The following LARGE1 variants were observed in gnomAD, a reference collection of about 807,000 sequenced individuals.
LARGE1 encodes the protein xylosyl- and glucuronyltransferase LARGE1.
A neutral mutation model predicts 87.6 loss-of-function variants in LARGE1; 43 were observed. That is an observed-to-expected ratio of 0.49 (90% CI 0.38 to 0.63). The LOEUF (loss-of-function observed/expected upper bound fraction) is 0.63, where lower values mean the gene tolerates loss of function less well. Among genes scored for constraint, LARGE1 ranks in the 30% least tolerant of loss-of-function variants. LARGE1 has a pLI of 0.00. For missense variants in LARGE1, 802 were observed against 1,000.2 expected, an observed-to-expected ratio of 0.80 and a Z score of 2.67; for synonymous variants, 434 against 394.6, an observed-to-expected ratio of 1.10 and a Z score of -1.18.
In LARGE1 at chr22:33,639,132, C is replaced by G. The variant is rs532817274; in HGVS notation, c.408+11235G>C. Among the ~76,000 whole-genome samples, 160 of 152,312 alleles carry G rather than the reference C, an allele frequency of 1.1e-3. 1 individual carries two copies. The highest frequency in any genetic ancestry group is 1.9e-3 in the Non-Finnish European group (130 of 68,028). On this transcript the variant is annotated intron_variant, in intron 3 of 14. Transcript: ENST00000397394. ...TGCCTTGCTTACGGGAATACTTGTA[C>G]TTAAAGCCTTTAGCTGCCATGTAAG...
intron 11 of LARGE1, among the ~76,000 whole-genome samples, chr22:33,313,634 G>T (rs188766378): frequency 1.3e-5 from 2 of 152,210 alleles, no homozygotes; most frequent in South Asian, 4.1e-4. Flanking sequence ...CTGCAGGGAG[G>T]GGGCTGCATG....
intron 1 of LARGE1, among the ~76,000 whole-genome samples, chr22:33,773,328 T>C (rs754919005): frequency 1.2e-4 from 18 of 152,188 alleles, no homozygotes; most frequent in Non-Finnish European, 1.9e-4. Context: ...CAAACAAACA[T>C]TGAAAATTTC....
At position 33,650,605 on chromosome 22, in the gene LARGE1, G is replaced by C. The variant is rs762121497; in HGVS notation, c.170C>G (p.Ser57Cys). Residue 57 changes from serine (S) to cysteine (C), a missense_variant, in exon 3 of 15, where the codon TCC becomes TGC. By Grantham distance (112) the Ser-to-Cys change is moderately radical. This residue lies in a region of LARGE1 where 177 missense variants were observed against 158.3 expected (regional missense o/e 1.12). Transcript: ENST00000397394. Reference sequence around the variant, plus strand: ...CAGGCTCTCGCGCTCCCGCTGGCTGGAGGCCGTGTACCTGGGGCTGTGTGC... The same window carrying C: ...CAGGCTCTCGCGCTCCCGCTGGCTGCAGGCCGTGTACCTGGGGCTGTGTGC... The part of the protein sequence containing the change: ...SQAHSPRYTA[S>C]SQRERESLEV... 6.2e-7 allele frequency: 1 copy of C among 1,604,726 alleles called. No homozygotes were observed. Among genetic ancestry groups the C allele is most frequent in the Non-Finnish European group, 8.5e-7 (1 of 1,179,944 alleles).
intron 1 of LARGE1, among the ~76,000 whole-genome samples, chr22:33,888,750 G>A (rs1458651609): frequency 2.0e-5 from 3 of 151,924 alleles, no homozygotes; most frequent in Non-Finnish European, 4.4e-5. Context: ...CCAGCTACTC[G>A]GGAGGCTGAG....
intron 6 of LARGE1, among the ~76,000 whole-genome samples, chr22:33,535,103 T>C (rs527917676): frequency 1.3e-5 from 2 of 152,296 alleles, no homozygotes; most frequent in South Asian, 4.1e-4. Flanking sequence ...GACTTCTGAG[T>C]AGAGGAGGGG....
At chr22:33,898,535 G>A (rs1006015399) in intron 1 of LARGE1, among the ~76,000 whole-genome samples, 3 of 152,188 alleles carry the variant, frequency 2.0e-5, no homozygotes, top group African/African-American at 7.2e-5. Flanking sequence ...CAGGCGGATC[G>A]CCTGAGGTTG....
intron 10 of LARGE1, among the ~76,000 whole-genome samples, chr22:33,325,780 TG>T (rs1937190917): frequency 2.0e-5 from 3 of 152,234 alleles, no homozygotes; most frequent in Admixed American, 1.3e-4. Flanking sequence ...CACTCAAGCA[TG>T]TTGCTTTGCA....
chr22:33,254,916 C>T (rs1927181017), intron 11 of LARGE1, among the ~76,000 whole-genome samples: 1 of 150,986 alleles, frequency 6.6e-6, no homozygotes, highest in East Asian at 1.9e-4. Context: ...TGTTCCAGCT[C>T]TGCATGGTCT....
chr22:33,553,827 C>T (rs1370118587), intron 6 of LARGE1, among the ~76,000 whole-genome samples: 1 of 152,114 alleles, frequency 6.6e-6, no homozygotes, highest in Non-Finnish European at 1.5e-5. Context: ...CTCACATCTA[C>T]CTCCAGAGAT....
intron 1 of LARGE1, among the ~76,000 whole-genome samples, chr22:33,887,441 T>C (rs768938889): frequency 3.3e-5 from 5 of 152,152 alleles, no homozygotes; most frequent in Non-Finnish European, 7.4e-5. Flanking sequence ...ACTCGTGTTA[T>C]TTAAAAGTCA....
intron 11 of LARGE1, among the ~76,000 whole-genome samples, chr22:33,170,984 A>G (rs1466052940): frequency 2.6e-5 from 4 of 152,204 alleles, no homozygotes; most frequent in African/African-American, 7.2e-5. Flanking sequence ...TGATAGTGAT[A>G]TGGACGATAA....
At chr22:33,548,264 T>C (rs2077422515) in intron 6 of LARGE1, among the ~76,000 whole-genome samples, 1 of 152,218 alleles carries the variant, frequency 6.6e-6, no homozygotes. Context: ...GCTTCTGCCA[T>C]GTAAGATGCC....
chr22:33,516,077 T>C (rs1349573921), intron 6 of LARGE1, among the ~76,000 whole-genome samples: 1 of 152,190 alleles, frequency 6.6e-6, no homozygotes, highest in African/African-American at 2.4e-5. Context: ...TGAGAGTTTG[T>C]TGCAGAGGAT....
chr22:33,519,815 T>A (rs963167065), intron 6 of LARGE1, among the ~76,000 whole-genome samples: 2 of 152,156 alleles, frequency 1.3e-5, no homozygotes, highest in East Asian at 3.9e-4. Flanking sequence ...ATTCTGTTTA[T>A]GACGCTGGGT....
chr22:33,104,927 C>CTTTCTTTCTTTCTTTCTT, the LARGE1 span, among the ~76,000 whole-genome samples: 2 of 143,432 alleles, frequency 1.4e-5, no homozygotes, highest in Non-Finnish European at 3.0e-5. Context: ...TTCTTTCTTT[C>CTTTCTTTCTTTCTTTCTT]TTTCTTTCTT....
At chr22:33,320,429 G>A (rs559095979) in intron 10 of LARGE1, among the ~76,000 whole-genome samples, 22 of 152,082 alleles carry the variant, frequency 1.4e-4, no homozygotes, top group Non-Finnish European at 1.8e-4. Context: ...GAAGCAATCC[G>A]TTTCTTCTCT....
Position 33,626,344 on chromosome 22 carries a change from C to T in LARGE1, c.409-18G>A, listed in dbSNP as rs774311766. Reference sequence around the variant, plus strand: ...TGGATTGTCTGGGAAGAAAAGAAGACGGGGTGAGCAGTCAGACAGACGGAA... The same window carrying T: ...TGGATTGTCTGGGAAGAAAAGAAGATGGGGTGAGCAGTCAGACAGACGGAA... On this transcript the variant is annotated intron_variant, in intron 3 of 14. Coordinates refer to ENST00000397394, the MANE Select transcript of LARGE1 (RefSeq NM_133642.5). 27 of 1,606,530 alleles carry T rather than the reference C, an allele frequency of 1.7e-5. 1 individual carries two copies. Among genetic ancestry groups the T allele is most frequent in the Middle Eastern group, 1.6e-4 (1 of 6,066 alleles).
the LARGE1 span, among the ~76,000 whole-genome samples, chr22:33,116,507 A>G: frequency 0.018 from 2,697 of 149,190 alleles, 85 homozygotes; most frequent in African/African-American, 0.062. Context: ...GGCGCCCGCC[A>G]CCACGCCCAG....
chr22:33,316,976 G>A (rs574913973), intron 10 of LARGE1, among the ~76,000 whole-genome samples: 4 of 152,172 alleles, frequency 2.6e-5, no homozygotes, highest in Admixed American at 2.6e-4. Flanking sequence ...CACTTTGGGA[G>A]GCCAAGGTGG....
Sources: allele counts gnomAD v4.1 joint callset (sites outside exome capture counted in the v4.1 genomes callset), GRCh38; gene constraint gnomAD v4.1.1; regional missense constraint gnomAD v4.1.1; transcripts MANE v1.5; gene names NCBI Gene and HGNC (gene_info 2026-07-23, HGNC 2026-07-21).